CREG2: variants seen among roughly 807,000 people sequenced by gnomAD.
CREG2 encodes cellular repressor of E1A stimulated genes 2.
A neutral mutation model predicts 26.2 loss-of-function variants in CREG2; 24 were observed. That is an observed-to-expected ratio of 0.92 (90% CI 0.66 to 1.29). The LOEUF (loss-of-function observed/expected upper bound fraction) is 1.29. CREG2 is among the 50% of genes most tolerant of loss of function. CREG2 has a pLI of 0.00. For synonymous variants in CREG2, 174 were observed against 169.2 expected, an observed-to-expected ratio of 1.03 and a Z score of -0.22; for missense variants, 366 against 398.6, an observed-to-expected ratio of 0.92 and a Z score of 0.70.
At chr2:101,375,142 C>T (rs1252153453) in intron 2 of CREG2, among the ~76,000 whole-genome samples, 1 of 152,220 alleles carries the variant, frequency 6.6e-6, no homozygotes, top group African/African-American at 2.4e-5. Context: ...AGCAGTCCCT[C>T]TCTGGTGTGT....
chr2:101,370,411 C>T (rs543840621), intron 2 of CREG2, among the ~76,000 whole-genome samples: 3 of 152,216 alleles, frequency 2.0e-5, no homozygotes, highest in Non-Finnish European at 4.4e-5. Flanking sequence ...CAAATTGAAA[C>T]GTTTCATCCC....
intron 2 of CREG2, among the ~76,000 whole-genome samples, chr2:101,368,914 A>T (rs997753226): frequency 6.6e-6 from 1 of 152,154 alleles, no homozygotes; most frequent in Non-Finnish European, 1.5e-5. Context: ...TGTTGTTTCT[A>T]AGCCACCCAG....
In CREG2 at chr2:101,386,879, G is replaced by A. The variant is rs1170309623; in HGVS notation, c.441+138C>T. ...ATCGCCTTCCATTATGTACAGTGTC[G>A]AGGGTCCCATCCAGGGCACCGGGCA... On this transcript the variant is annotated intron_variant, in intron 1 of 3. Transcript: ENST00000324768. 9.0e-6 allele frequency: 8 copies of A among 884,526 alleles called. No individual in the cohort carries two copies. The South Asian group carries it at 4.1e-4, about 45-fold the overall frequency. The allele number at this position is 884,526 out of a possible 1,614,324, so 54.8% of individuals were successfully genotyped here. A position where few individuals can be genotyped will look rare whatever the true frequency, so the allele number is the denominator to read the frequency against.
intron 2 of CREG2, among the ~76,000 whole-genome samples, chr2:101,374,547 T>C (rs548942621): frequency 1.5e-4 from 23 of 152,378 alleles, no homozygotes; most frequent in African/African-American, 5.0e-4. Flanking sequence ...ATTCAGTTTC[T>C]ATAACCGATT....
chr2:101,366,558 C>T (rs539450701), intron 2 of CREG2, among the ~76,000 whole-genome samples: 1 of 152,310 alleles, frequency 6.6e-6, no homozygotes, highest in African/African-American at 2.4e-5. Context: ...CGCAGTGGCT[C>T]ATGCCTGTAA....
intron 2 of CREG2, among the ~76,000 whole-genome samples, chr2:101,374,202 A>G (rs1684754087): frequency 6.6e-6 from 1 of 152,198 alleles, no homozygotes; most frequent in Non-Finnish European, 1.5e-5. Context: ...ACATGGTGAA[A>G]CCCCATCTCA....
chr2:101,366,486 G>A (rs115127655), intron 2 of CREG2, among the ~76,000 whole-genome samples: 1,862 of 150,408 alleles, frequency 0.012, 29 homozygotes, highest in African/African-American at 0.043. Context: ...ACCACAGACT[G>A]AAAATATTTA....
intron 2 of CREG2, among the ~76,000 whole-genome samples, chr2:101,381,057 G>A (rs1454308564): frequency 6.6e-6 from 1 of 152,244 alleles, no homozygotes; most frequent in East Asian, 1.9e-4. Context: ...TTGACCTGTC[G>A]TTATCATCGT....
chr2:101,357,286 A>G (rs11694926), intron 2 of CREG2, among the ~76,000 whole-genome samples: 102,109 of 151,956 alleles, frequency 0.67, 36,130 homozygotes, highest in Non-Finnish European at 0.77. Context: ...GCCTCCCAAA[A>G]TGCTGGGATG....
In CREG2 at chr2:101,349,382, T is replaced by G. The variant is rs1042111046; in HGVS notation, c.*1541A>C. On this transcript the variant is annotated 3_prime_UTR_variant, in exon 4 of 4. Transcript: ENST00000324768. ...TAGCAATAGATAATTAAAATATATT[T>G]TGACAACTCAAGCTCTCGTCGTATG... The G allele has an allele frequency of 3.9e-5, 6 of 152,668 alleles. No homozygotes were observed. Among genetic ancestry groups the G allele is most frequent in the Non-Finnish European group, 8.8e-5 (6 of 68,044 alleles). The allele number at this position is 152,668 out of a possible 1,614,324, so 9.5% of individuals were successfully genotyped here. A position where few individuals can be genotyped will look rare whatever the true frequency, so the allele number is the denominator to read the frequency against.
chr2:101,368,522 G>C (rs1684653001), intron 2 of CREG2, among the ~76,000 whole-genome samples: 2 of 152,136 alleles, frequency 1.3e-5, no homozygotes, highest in South Asian at 4.1e-4. Flanking sequence ...CCTGGCCTCT[G>C]GGGAGCTGCA....
At chr2:101,357,891 G>A (rs1254246303) in intron 2 of CREG2, among the ~76,000 whole-genome samples, 1 of 150,960 alleles carries the variant, frequency 6.6e-6, no homozygotes, top group Non-Finnish European at 1.5e-5. Context: ...GCGGGAGAAT[G>A]GCGTGATCCT....
intron 2 of CREG2, among the ~76,000 whole-genome samples, chr2:101,371,836 A>T (rs1373124739): frequency 1.3e-5 from 2 of 152,144 alleles, no homozygotes; most frequent in Non-Finnish European, 2.9e-5. Flanking sequence ...GGAGCCTTGG[A>T]CTGGGAAGTC....
At chr2:101,385,023 C>T (rs1684943682) in intron 1 of CREG2, among the ~76,000 whole-genome samples, 1 of 152,172 alleles carries the variant, frequency 6.6e-6, no homozygotes, top group Admixed American at 6.5e-5. Context: ...GCTTTCTGAA[C>T]AGCATGCAGA....
rs1218252059 is a variant in CREG2, at chr2:101,387,445, G to T, written c.13C>A (p.Arg5Ser). MSVR[R>S]GRRPARPGTR... Reference sequence around the variant, plus strand: ...CCCGGCCGCGCCGGCCGCCGGCCGCGGCGCACGGACATCTTGCAGGCAGCA... The same window carrying T: ...CCCGGCCGCGCCGGCCGCCGGCCGCTGCGCACGGACATCTTGCAGGCAGCA... The change falls in exon 1 of 4, where the codon CGC becomes AGC. Residue 5 changes from arginine to serine, a missense_variant. This residue lies in a region of CREG2 where 177 missense variants were observed against 183.3 expected (regional missense o/e 0.97). Transcript: ENST00000324768. The surrounding 1 kb of genome is among the most constrained non-coding windows in gnomAD (Gnocchi z 4.7). 4.1e-6 allele frequency: 5 copies of T among 1,224,176 alleles called. No individual in the cohort carries two copies. The East Asian group carries it at 1.6e-4, about 40-fold the overall frequency. 75.8% of individuals were successfully genotyped at this position (1,224,176 alleles called of 1,614,324 possible). A position where few individuals can be genotyped will look rare whatever the true frequency, so the allele number is the denominator to read the frequency against.
rs1421335303 is a variant in CREG2, at chr2:101,346,913, A to G, written c.*4010T>C. The G allele has an allele frequency of 2.6e-5, 4 of 152,222 alleles. No individual in the cohort carries two copies. Among genetic ancestry groups the G allele is most frequent in the Admixed American group, 1.3e-4 (2 of 15,274 alleles). The allele number at this position is 152,222 out of a possible 1,614,324, so 9.4% of individuals were successfully genotyped here. A position where few individuals can be genotyped will look rare whatever the true frequency, so the allele number is the denominator to read the frequency against. The stretch of plus-strand genomic sequence containing the variant: ...CCAGGATTTTCACATTGATTTGGTC[A>G]AGATACTGAATATGTCCATCACCAC... On this transcript the variant is annotated 3_prime_UTR_variant, in exon 4 of 4. Coordinates refer to ENST00000324768, the MANE Select transcript of CREG2 (RefSeq NM_153836.4).
Position 101,347,721 on chromosome 2 carries a change from T to G in CREG2, c.*3202A>C, listed in dbSNP as rs1439317962. 5.3e-5 allele frequency: 8 copies of G among 152,242 alleles called. No homozygotes were observed. Among genetic ancestry groups the G allele is most frequent in the African/African-American group, 1.7e-4 (7 of 41,464 alleles). The allele number at this position is 152,242 out of a possible 1,614,324, so 9.4% of individuals were successfully genotyped here. On this transcript the variant is annotated 3_prime_UTR_variant, in exon 4 of 4. Coordinates refer to ENST00000324768, the MANE Select transcript of CREG2 (RefSeq NM_153836.4). ...GTTCTTTATATATTCTAGATACTAA[T>G]CTTTTGTTGGATATGTGGTTTGGAA... is the stretch of plus-strand genomic sequence containing the variant.
rs980145159 is a variant in CREG2 at position 101,346,736 on chromosome 2, C to G, written c.*4187G>C. The G allele has an allele frequency of 1.3e-5, 2 of 152,088 alleles. No homozygotes were observed. The highest frequency in any genetic ancestry group is 2.9e-5 in the Non-Finnish European group (2 of 68,012). 9.4% of individuals were successfully genotyped at this position (152,088 alleles called of 1,614,324 possible). A position where few individuals can be genotyped will look rare whatever the true frequency, so the allele number is the denominator to read the frequency against. Reference sequence around the variant, plus strand: ...AGCCCTAAATCTTGTTTATGTTAAGCTTTTTACTCAGAGATAATTGTAGAT... The same window carrying G: ...AGCCCTAAATCTTGTTTATGTTAAGGTTTTTACTCAGAGATAATTGTAGAT... On this transcript the variant is annotated 3_prime_UTR_variant, in exon 4 of 4. Transcript: ENST00000324768.
intron 2 of CREG2, among the ~76,000 whole-genome samples, chr2:101,370,259 G>A (rs1277941027): frequency 6.6e-6 from 1 of 152,150 alleles, no homozygotes; most frequent in African/African-American, 2.4e-5. Flanking sequence ...TTTATACATA[G>A]GAGGGTTAGA....
Sources: gnomAD v4.1 joint callset for allele counts (sites outside exome capture counted in the v4.1 genomes callset) on GRCh38, gnomAD v4.1.1 for gene constraint, gnomAD v4.1.1 regional missense constraint, Gnocchi (gnomAD v3.1) non-coding constraint, MANE v1.5 for transcripts, NCBI Gene and HGNC (gene_info 2026-07-23, HGNC 2026-07-21) for gene names.